The following PCBP3 variants were observed in gnomAD, a reference collection of about 807,000 sequenced individuals.
PCBP3 encodes the protein poly(rC)-binding protein 3.
PCBP3 carries 25 observed loss-of-function variants against 52.7 expected under a neutral mutation model. The ratio of observed to expected loss-of-function variants is 0.47; its 90% confidence interval spans 0.35 to 0.66. The LOEUF (loss-of-function observed/expected upper bound fraction) is 0.66, where lower values mean the gene tolerates loss of function less well. PCBP3 is among the 30% of genes least tolerant of loss of function. The pLI is 0.01. For synonymous variants in PCBP3, 162 were observed against 183.0 expected, an observed-to-expected ratio of 0.89 and a Z score of 0.93; for missense variants, 391 against 490.3, an observed-to-expected ratio of 0.80 and a Z score of 1.91.
intron 5 of PCBP3, among the ~76,000 whole-genome samples, chr21:45,861,841 C>A (rs12482750): frequency 0.14 from 21,138 of 152,148 alleles, 1,629 homozygotes; most frequent in Middle Eastern, 0.27. Flanking sequence ...TGGTTTTAGT[C>A]CGTTTCTGCT....
At chr21:45,761,691 TG>T (rs959660283) in intron 4 of PCBP3, 1 of 152,450 alleles carries the variant, frequency 6.6e-6, no homozygotes, top group Non-Finnish European at 1.5e-5. Context: ...GGCCTTTCTG[TG>T]GGTGTGGTTG....
intron 7 of PCBP3, 115 bp downstream of exon 7, chr21:45,899,737 G>A (rs2095973686): frequency 9.3e-6 from 7 of 750,546 alleles, no homozygotes; most frequent in Non-Finnish European, 1.2e-5. Context: ...CCAGTTGGTG[G>A]GTGGTCTGTG....
At chr21:45,940,222 TGAGAGACGCCCGGAAAGGGACGCGCCA>T in intron 17 of PCBP3, 23 bp downstream of exon 17, 1 of 1,591,014 alleles carries the variant, frequency 6.3e-7, no homozygotes, top group Non-Finnish European at 8.6e-7. Flanking sequence ...CAAGGGTCTC[TGAGAGACGCCCGGAAAGGGACGCGCCA>T]GCCGGCGTTA....
chr21:45,696,139 G>A (rs1003948849), intron 2 of PCBP3, among the ~76,000 whole-genome samples: 4 of 148,170 alleles, frequency 2.7e-5, no homozygotes, highest in Admixed American at 2.7e-4. Context: ...AGAGTAACTG[G>A]ACATACATAC....
chr21:45,860,348 T>C (rs952462685), intron 5 of PCBP3, among the ~76,000 whole-genome samples: 3 of 152,240 alleles, frequency 2.0e-5, no homozygotes, highest in Non-Finnish European at 4.4e-5. Flanking sequence ...TCTCTAATTT[T>C]ATTACGTCGA....
At chr21:45,790,706 GA>G (rs1467207368) in intron 4 of PCBP3, among the ~76,000 whole-genome samples, 5 of 152,128 alleles carry the variant, frequency 3.3e-5, no homozygotes, top group African/African-American at 1.2e-4. Context: ...CAGGAGAGGA[GA>G]GATAGTCTCA....
intron 5 of PCBP3, among the ~76,000 whole-genome samples, chr21:45,850,855 T>G (rs2093968995): frequency 1.3e-5 from 2 of 152,160 alleles, no homozygotes; most frequent in Non-Finnish European, 2.9e-5. Context: ...GTGGAGAGCA[T>G]AAGGCAATTA....
chr21:45,794,886 G>A (rs562879726), intron 4 of PCBP3, among the ~76,000 whole-genome samples: 96 of 150,484 alleles, frequency 6.4e-4, no homozygotes, highest in African/African-American at 1.8e-3. Flanking sequence ...CCGAGATTGC[G>A]CCACTGCACT....
chr21:45,725,904 C>T (rs1307704324), intron 2 of PCBP3, among the ~76,000 whole-genome samples: 1 of 152,042 alleles, frequency 6.6e-6, no homozygotes, highest in East Asian at 1.9e-4. Flanking sequence ...GAAGCCAGTG[C>T]AGGAGATGAG....
At chr21:45,939,670 G>A (rs2077242400) in intron 16 of PCBP3, among the ~76,000 whole-genome samples, 1 of 152,248 alleles carries the variant, frequency 6.6e-6, no homozygotes, top group South Asian at 2.1e-4. Context: ...TCCCTGCTCA[G>A]CTGCTGGCTG....
intron 4 of PCBP3, among the ~76,000 whole-genome samples, chr21:45,774,878 G>A (rs560444819): frequency 3.3e-5 from 5 of 152,222 alleles, no homozygotes; most frequent in Admixed American, 6.5e-5. Context: ...TGATTATGGT[G>A]TATTATTTTT....
intron 4 of PCBP3, among the ~76,000 whole-genome samples, chr21:45,801,658 C>A (rs527779240): frequency 1.3e-5 from 2 of 152,330 alleles, no homozygotes; most frequent in South Asian, 4.1e-4. Flanking sequence ...AGTAGATCCT[C>A]CTGGATGCAC....
At chr21:45,710,649 T>C (rs1296899817) in intron 2 of PCBP3, among the ~76,000 whole-genome samples, 1 of 152,162 alleles carries the variant, frequency 6.6e-6, no homozygotes, top group African/African-American at 2.4e-5. Flanking sequence ...CCCAAATAAC[T>C]CTTCTTTTTT....
At chr21:45,894,323 C>T (rs927826213) in intron 5 of PCBP3, among the ~76,000 whole-genome samples, 1 of 152,188 alleles carries the variant, frequency 6.6e-6, no homozygotes. Flanking sequence ...CTTGACATAA[C>T]AGATGGCTGC....
intron 3 of PCBP3, among the ~76,000 whole-genome samples, chr21:45,740,132 T>G (rs2146005856): frequency 6.6e-6 from 1 of 152,306 alleles, no homozygotes; most frequent in Non-Finnish European, 1.5e-5. Context: ...AGAAGAGAGT[T>G]GCTTCTCTGC....
rs1229271915 is a variant in PCBP3, at chr21:45,817,209, A to G, written c.-125-32752A>G. 6.6e-6 allele frequency among the ~76,000 whole-genome samples: 1 copy of G among 152,178 alleles called. No individual in the cohort carries two copies. The highest frequency in any genetic ancestry group is 2.4e-5 in the African/African-American group (1 of 41,452). On this transcript the variant is annotated intron_variant, in intron 4 of 17. Transcript: ENST00000681687. This position sits in a 1 kb window ranked among gnomAD's most constrained non-coding sequence, Gnocchi z 4.3. ...AACTTTGTCAAGGAAAGTCTTCACT[A>G]TCCCTTCCTCTAGAACTTAACGTTG...
At chr21:45,936,571 A>AT (rs1227462200) in intron 16 of PCBP3, among the ~76,000 whole-genome samples, 1 of 151,928 alleles carries the variant, frequency 6.6e-6, no homozygotes, top group Non-Finnish European at 1.5e-5. Flanking sequence ...GAGGGAGGGG[A>AT]TTTTTCCCCA....
chr21:45,897,323 C>T (rs890551261), intron 6 of PCBP3, among the ~76,000 whole-genome samples: 1 of 152,212 alleles, frequency 6.6e-6, no homozygotes, highest in Non-Finnish European at 1.5e-5. Context: ...CAAGTCCCTT[C>T]CACCTGGAGT....
chr21:45,898,440 C>T lies in PCBP3; in HGVS notation c.166-1159C>T, dbSNP rs556260657. Among the ~76,000 whole-genome samples the T allele has an allele frequency of 5.3e-5, 8 of 150,536 alleles. 1 individual carries two copies. Among genetic ancestry groups the T allele is most frequent in the Non-Finnish European group, 8.9e-5 (6 of 67,612 alleles). ...CTCCCTCTGCACACCGTCCTCACAG[C>T]CTCCCTCTGCACACCATCCTCATGG... is the stretch of plus-strand genomic sequence containing the variant. On this transcript the variant is annotated intron_variant, in intron 6 of 17. Transcript: ENST00000681687.
Sources: allele counts gnomAD v4.1 joint callset (sites outside exome capture counted in the v4.1 genomes callset), GRCh38; gene constraint gnomAD v4.1.1; non-coding constraint Gnocchi (gnomAD v3.1); transcripts MANE v1.5; gene names NCBI Gene and HGNC (gene_info 2026-07-23, HGNC 2026-07-21).